The following MYOM1 variants were observed in gnomAD, a reference collection of about 807,000 sequenced individuals.
MYOM1 encodes myomesin-1.
A neutral mutation model predicts 205.3 loss-of-function variants in MYOM1; 164 were observed. The ratio of observed to expected loss-of-function variants is 0.80; its 90% CI spans 0.70 to 0.91. MYOM1 has a LOEUF of 0.91. MYOM1 is among the 40% of genes least tolerant of loss of function. The pLI is 0.00. For synonymous variants in MYOM1, 772 were observed against 789.4 expected (o/e 0.98, Z 0.37); for missense variants, 2,011 against 2,127.3 (o/e 0.95, Z 1.08).
intron 2 of MYOM1, 50 bp downstream of exon 2, chr18:3,214,884 C>A: frequency 1.3e-6 from 2 of 1,523,278 alleles, no homozygotes; most frequent in Non-Finnish European, 8.8e-7. Context: ...TTACTCAGAG[C>A]ACACGCCTCT....
chr18:3,236,078 G>A, the MYOM1 span, among the ~76,000 whole-genome samples: 1 of 152,208 alleles, frequency 6.6e-6, no homozygotes, highest in South Asian at 2.1e-4. Context: ...ATTGGGCCTT[G>A]CAGGCCATGG....
intron 19 of MYOM1, among the ~76,000 whole-genome samples, chr18:3,125,479 C>T (rs73937202): frequency 1.5e-3 from 232 of 151,216 alleles, no homozygotes; most frequent in African/African-American, 5.2e-3. Flanking sequence ...TTTGTATAGG[C>T]GCAGTGGCTC....
intron 11 of MYOM1, among the ~76,000 whole-genome samples, chr18:3,153,025 G>A (rs1014846498): frequency 7.2e-5 from 11 of 152,158 alleles, no homozygotes; most frequent in South Asian, 2.1e-4. Flanking sequence ...GTTTGGGGAG[G>A]TGGGGCTGTG....
chr18:3,132,281 G>T (rs957168220), intron 16 of MYOM1, among the ~76,000 whole-genome samples: 1 of 151,662 alleles, frequency 6.6e-6, no homozygotes, highest in Non-Finnish European at 1.5e-5. Flanking sequence ...CTCCTGAGTA[G>T]CTGGGACTAC....
intron 6 of MYOM1, among the ~76,000 whole-genome samples, chr18:3,175,225 C>T (rs2080620459): frequency 6.6e-6 from 1 of 152,108 alleles, no homozygotes; most frequent in Non-Finnish European, 1.5e-5. Context: ...TGGCAAATGG[C>T]ACAGGGTCCT....
rs72516681 is a variant in MYOM1, at chr18:3,186,987, AAAAGAAAG to A, written c.929+485_929+492del. ...AAAAAGAAAAGAAAGAAGAAAGAAAAAAAGAAAGAAAGAAAGGAAGAAAGGCACATTGA... is the reference window on the plus strand; with the variant it reads ...AAAAAGAAAAGAAAGAAGAAAGAAAAAAAGAAAGGAAGAAAGGCACATTGA... On this transcript the variant is annotated intron_variant, in intron 5 of 37. Transcript: ENST00000356443. Among the ~76,000 whole-genome samples the A allele has an allele frequency of 5.3e-5, 8 of 151,978 alleles. No homozygotes were observed. The South Asian group carries it at 6.2e-4, about 12-fold the overall frequency.
intron 3 of MYOM1, among the ~76,000 whole-genome samples, chr18:3,191,917 C>T (rs896230650): frequency 2.6e-5 from 4 of 152,048 alleles, no homozygotes; most frequent in African/African-American, 7.2e-5. Flanking sequence ...AGGATGGTCT[C>T]AATCTCCTGA....
chr18:3,067,359 G>A lies in MYOM1; in HGVS notation c.4961C>T (p.Ser1654Leu), dbSNP rs199531701. The A allele has an allele frequency of 1.8e-4, 292 of 1,612,622 alleles. 2 individuals carry two copies. The Admixed American group carries it at 4.5e-3, about 25-fold the overall frequency. The change falls in exon 38 of 38, where the codon TCG becomes TTG. Residue 1654 changes from serine to leucine, a missense_variant. By Grantham distance (145) the Ser-to-Leu change is moderately radical (BLOSUM62 -2). Coordinates refer to ENST00000356443, the MANE Select transcript of MYOM1 (RefSeq NM_003803.4). ...YGLVVKNKYG[S>L]ETSDFTVSVF... ...GCTGACGGTGAAGTCGCTGGTCTCC[G>A]AGCCATACTTGTTCTTCACAACCAG...
intron 12 of MYOM1, among the ~76,000 whole-genome samples, chr18:3,151,310 T>C (rs1050620257): frequency 3.3e-5 from 5 of 151,868 alleles, no homozygotes. Context: ...GAAAGAAAAT[T>C]ATTTTTATTA....
intron 12 of MYOM1, among the ~76,000 whole-genome samples, chr18:3,150,234 TA>T (rs1345159843): frequency 6.6e-6 from 1 of 151,996 alleles, no homozygotes; most frequent in East Asian, 1.9e-4. Flanking sequence ...TAATTTTTTG[TA>T]ATTTTTAGTA....
In MYOM1 at chr18:3,123,382, A is replaced by C. The variant is rs1469242723; in HGVS notation, c.2991+3319T>G. On this transcript the variant is annotated intron_variant, in intron 19 of 37. Coordinates refer to ENST00000356443, the MANE Select transcript of MYOM1 (RefSeq NM_003803.4). The stretch of plus-strand genomic sequence containing the variant: ...TTCTCTTTACTAGCAATAAAAACTG[A>C]TATAAAAATATACTGAAAATATATC... Among the ~76,000 whole-genome samples the C allele has an allele frequency of 2.0e-5, 3 of 152,160 alleles. No individual in the cohort carries two copies. In the East Asian group the frequency reaches 5.8e-4, roughly 29 times the overall value.
intron 8 of MYOM1, among the ~76,000 whole-genome samples, chr18:3,170,769 T>G (rs1197584075): frequency 6.6e-6 from 1 of 152,224 alleles, no homozygotes; most frequent in African/African-American, 2.4e-5. Context: ...TACTATTTTC[T>G]TCCTCTCTTT....
At chr18:3,123,984 G>C (rs1009635984) in intron 19 of MYOM1, among the ~76,000 whole-genome samples, 1 of 151,302 alleles carries the variant, frequency 6.6e-6, no homozygotes, top group African/African-American at 2.5e-5. Flanking sequence ...TTACACATGA[G>C]AGCCACCACT....
chr18:3,194,082 T>A, intron 2 of MYOM1, 124 bp from the exon 3 acceptor site: 1 of 923,526 alleles, frequency 1.1e-6, no homozygotes, highest in South Asian at 2.0e-5. Flanking sequence ...ATGTTACAAT[T>A]ATCTCTTATC....
chr18:3,192,513 T>A (rs2080925378), intron 3 of MYOM1, among the ~76,000 whole-genome samples: 1 of 152,188 alleles, frequency 6.6e-6, no homozygotes, highest in Non-Finnish European at 1.5e-5. Flanking sequence ...GCAACAGAAG[T>A]AGGTCACCAT....
intron 12 of MYOM1, among the ~76,000 whole-genome samples, chr18:3,150,281 C>T (rs905272986): frequency 2.6e-5 from 4 of 152,108 alleles, no homozygotes; most frequent in Admixed American, 1.3e-4. Context: ...CGGCTGGTCA[C>T]GAACTCCTGA....
chr18:3,085,203 T>TTTCTTCTGC, intron 30 of MYOM1, 71 bp from the exon 31 acceptor site: 3 of 684,084 alleles, frequency 4.4e-6, no homozygotes, highest in Non-Finnish European at 7.0e-6. Flanking sequence ...ATTTTTTTTT[T>TTTCTTCTGC]TCTTCTGCTT....
intron 13 of MYOM1, among the ~76,000 whole-genome samples, chr18:3,147,055 A>ATATATAAATATATATATTATATAT (rs2080134246): frequency 6.8e-6 from 1 of 146,542 alleles, no homozygotes; most frequent in Non-Finnish European, 1.5e-5. Context: ...ATTATATATT[A>ATATATAAATATATATATTATATAT]TATATAAATA....
intron 21 of MYOM1, 68 bp downstream of exon 21, chr18:3,116,263 G>A: frequency 5.4e-6 from 8 of 1,484,610 alleles, no homozygotes; most frequent in Admixed American, 2.0e-5. Flanking sequence ...GTTTTATCTT[G>A]CTAACTTTAA....
Sources: gnomAD v4.1 joint callset for allele counts (sites outside exome capture counted in the v4.1 genomes callset) on GRCh38, gnomAD v4.1.1 for gene constraint, MANE v1.5 for transcripts, NCBI Gene and HGNC (gene_info 2026-07-23, HGNC 2026-07-21) for gene names.